The following GALNT2 variants were observed in gnomAD, a reference collection of about 807,000 sequenced individuals.
GALNT2 encodes the protein UDP-GalNAc:polypeptide N-acetylgalactosaminyltransferase 2.
In GALNT2, 31 loss-of-function variants were observed where a neutral mutation model predicts 81.4. The observed-to-expected ratio is 0.38, with a 90% CI of 0.29 to 0.51. The LOEUF is 0.51. Ranked by LOEUF, GALNT2 falls within the 20% of genes least tolerant of loss-of-function variation. GALNT2 has a pLI of 0.87. For missense variants in GALNT2, 629 were observed against 765.7 expected, an observed-to-expected ratio of 0.82 and a Z score of 2.11; for synonymous variants, 303 against 287.4, an observed-to-expected ratio of 1.05 and a Z score of -0.55.
chr1:230,108,252 C>T (rs988489302), intron 1 of GALNT2, among the ~76,000 whole-genome samples: 7 of 152,090 alleles, frequency 4.6e-5, no homozygotes, highest in Non-Finnish European at 1.0e-4. Flanking sequence ...TAAAGTTCTC[C>T]TAGGAAGTTT....
chr1:230,218,140 A>G (rs1009991888), intron 3 of GALNT2, among the ~76,000 whole-genome samples: 2 of 152,220 alleles, frequency 1.3e-5, no homozygotes, highest in African/African-American at 4.8e-5. Context: ...GGCTAAGAAC[A>G]GGGGACTAAC....
intron 1 of GALNT2, among the ~76,000 whole-genome samples, chr1:230,138,847 T>C (rs1368581201): frequency 6.6e-6 from 1 of 152,214 alleles, no homozygotes; most frequent in Non-Finnish European, 1.5e-5. Context: ...GGTGTGGCTT[T>C]TGTAGCCATC....
intron 1 of GALNT2, among the ~76,000 whole-genome samples, chr1:230,170,388 A>G (rs924694374): frequency 2.0e-5 from 3 of 152,214 alleles, no homozygotes; most frequent in Non-Finnish European, 4.4e-5. Flanking sequence ...AGTAGGAGGA[A>G]AGATACCACT....
intron 1 of GALNT2, among the ~76,000 whole-genome samples, chr1:230,174,517 G>C (rs1662895668): frequency 6.6e-6 from 1 of 151,942 alleles, no homozygotes; most frequent in African/African-American, 2.4e-5. Context: ...CCCAGCAACT[G>C]TCTTGCATTT....
intron 3 of GALNT2, among the ~76,000 whole-genome samples, chr1:230,233,082 T>C (rs1470465263): frequency 3.3e-5 from 5 of 152,226 alleles, no homozygotes; most frequent in Non-Finnish European, 5.9e-5. Flanking sequence ...CGAGTGTCTG[T>C]TGAGCACTTT....
At chr1:230,219,596 T>G (rs1253258388) in intron 3 of GALNT2, among the ~76,000 whole-genome samples, 1 of 152,086 alleles carries the variant, frequency 6.6e-6, no homozygotes, top group Non-Finnish European at 1.5e-5. Flanking sequence ...TAACCTATGG[T>G]GAGGACACCT....
rs187742634 is a variant in GALNT2, at chr1:230,246,045, C to T, written c.730-18C>T. ...TTTTGCTGGGATTTTGATAACTACT[C>T]CTCTCTTTGTATTTTAGGACAGGAC... On this transcript the variant is annotated intron_variant, in intron 7 of 15. Coordinates refer to ENST00000366672, the MANE Select transcript of GALNT2 (RefSeq NM_004481.5). 1.0e-4 allele frequency: 163 copies of T among 1,600,964 alleles called. 2 individuals are homozygous for T. The Admixed American group carries it at 2.5e-3, about 25-fold the overall frequency.
intron 1 of GALNT2, among the ~76,000 whole-genome samples, chr1:230,146,012 C>T (rs1661905170): frequency 6.6e-6 from 1 of 152,172 alleles, no homozygotes; most frequent in South Asian, 2.1e-4. Context: ...TTCTGGTGTT[C>T]CTTGAGGTTC....
At chr1:230,201,082 G>A (rs1302252315) in intron 2 of GALNT2, among the ~76,000 whole-genome samples, 1 of 152,122 alleles carries the variant, frequency 6.6e-6, no homozygotes, top group Non-Finnish European at 1.5e-5. Context: ...AATATATGAG[G>A]GTGAAGGCAG....
rs2102783628 is a variant in GALNT2, at chr1:230,275,980, TAC to T, written c.1560+1417_1560+1418del. On this transcript the variant is annotated intron_variant, in intron 15 of 15. Coordinates refer to ENST00000366672, the MANE Select transcript of GALNT2 (RefSeq NM_004481.5). The surrounding 1 kb of genome is among the most constrained non-coding windows in gnomAD (Gnocchi z 5.5). ...CGTATATATACATGCCACATATATA[TAC>T]GTATATATACATGCCACATATATAT... Among the ~76,000 whole-genome samples, 2 of 77,108 alleles carry T rather than the reference TAC, an allele frequency of 2.6e-5. No homozygotes were observed. Among genetic ancestry groups the T allele is most frequent in the South Asian group, 8.0e-4 (2 of 2,508 alleles). The allele number at this position is 77,108 out of a possible 152,430, so 50.6% of individuals were successfully genotyped here. A position where few individuals can be genotyped will look rare whatever the true frequency, so the allele number is the denominator to read the frequency against.
At chr1:230,272,433 T>G (rs145258322) in intron 14 of GALNT2, among the ~76,000 whole-genome samples, 4 of 152,282 alleles carry the variant, frequency 2.6e-5, no homozygotes, top group East Asian at 1.9e-4. Flanking sequence ...TTCCGAGAGA[T>G]AAACACAGCA....
At chr1:230,090,996 G>A (rs1438828507) in intron 1 of GALNT2, among the ~76,000 whole-genome samples, 3 of 152,176 alleles carry the variant, frequency 2.0e-5, no homozygotes, top group African/African-American at 7.2e-5. Context: ...ATTAATTGAT[G>A]AGAACTGTGC....
At chr1:230,218,032 A>C (rs75492738) in intron 3 of GALNT2, among the ~76,000 whole-genome samples, 6,762 of 152,244 alleles carry the variant, frequency 0.044, 196 homozygotes, top group Non-Finnish European at 0.065. Context: ...GTTTTTTAAA[A>C]GGTTGCTGTG....
chr1:230,119,122 T>C (rs958340117), intron 1 of GALNT2, among the ~76,000 whole-genome samples: 2 of 152,258 alleles, frequency 1.3e-5, no homozygotes, highest in Non-Finnish European at 2.9e-5. Context: ...CTAAATGTTA[T>C]ACCTGTATTT....
intron 1 of GALNT2, among the ~76,000 whole-genome samples, chr1:230,144,102 T>A (rs1157438172): frequency 6.6e-6 from 1 of 152,134 alleles, no homozygotes; most frequent in East Asian, 1.9e-4. Flanking sequence ...TTGATGCAGA[T>A]CCTCCTGGCC....
Position 230,070,450 on chromosome 1 carries a change from T to G in GALNT2, c.126+3044T>G, listed in dbSNP as rs887328579. 1.3e-5 allele frequency among the ~76,000 whole-genome samples: 2 copies of G among 152,008 alleles called. No individual in the cohort carries two copies. The highest frequency in any genetic ancestry group is 4.8e-5 in the African/African-American group (2 of 41,362). On this transcript the variant is annotated intron_variant, in intron 1 of 15. Transcript: ENST00000366672. The surrounding 1 kb of genome is among the most constrained non-coding windows in gnomAD (Gnocchi z 4.7). The stretch of plus-strand genomic sequence containing the variant: ...CTGCCTGTGGGTGAAGTGTGGCTGT[T>G]TAGGGTGGAAAGGGAAGGGTTTTCT...
chr1:230,203,564 G>A (rs1483525647), intron 3 of GALNT2, among the ~76,000 whole-genome samples: 2 of 152,186 alleles, frequency 1.3e-5, no homozygotes, highest in East Asian at 1.9e-4. Context: ...AAAGAGAGTT[G>A]TGTGACTGGC....
intron 3 of GALNT2, among the ~76,000 whole-genome samples, chr1:230,220,776 T>C (rs1238547256): frequency 1.3e-5 from 2 of 152,284 alleles, no homozygotes; most frequent in Admixed American, 6.5e-5. Context: ...AAGGAAATCA[T>C]GGTATGATGT....
intron 1 of GALNT2, among the ~76,000 whole-genome samples, chr1:230,094,839 C>A (rs1291484047): frequency 6.6e-6 from 1 of 152,070 alleles, no homozygotes; most frequent in Non-Finnish European, 1.5e-5. Flanking sequence ...TAATCCTTCC[C>A]ACACGTCTGC....
Sources: allele counts gnomAD v4.1 joint callset (sites outside exome capture counted in the v4.1 genomes callset), GRCh38; gene constraint gnomAD v4.1.1; non-coding constraint Gnocchi (gnomAD v3.1); transcripts MANE v1.5; gene names NCBI Gene and HGNC (gene_info 2026-07-23, HGNC 2026-07-21).